The following WDR26 variants were observed in gnomAD, a reference collection of about 807,000 sequenced individuals.
WDR26 encodes the protein WD repeat domain 26, also known as WD repeat-containing protein 26.
WDR26 carries 5 observed loss-of-function variants against 84.1 expected under a neutral mutation model. That is an observed-to-expected ratio of 0.06 (90% confidence interval 0.03 to 0.13). The LOEUF (loss-of-function observed/expected upper bound fraction) is 0.13. WDR26 is among the 10% of genes least tolerant of loss of function. WDR26 has a pLI of 1.00. For synonymous variants in WDR26, 415 were observed against 389.6 expected, an observed-to-expected ratio of 1.07 and a Z score of -0.77; for missense variants, 642 against 974.9, an observed-to-expected ratio of 0.66 and a Z score of 4.55.
chr1:224,411,587 A>G, intron 6 of WDR26, 22 bp from the exon 7 acceptor site: 1 of 1,566,590 alleles, frequency 6.4e-7, no homozygotes, highest in East Asian at 2.3e-5. Context: ...AGGTCCACAA[A>G]TTATTCTTTC....
In WDR26 at chr1:224,395,786, C is replaced by T. The variant is rs146625833; in HGVS notation, c.2075-1773G>A. Among the ~76,000 whole-genome samples, 669 of 152,126 alleles carry T rather than the reference C, an allele frequency of 4.4e-3. 3 individuals carry two copies. Among genetic ancestry groups the T allele is most frequent in the Non-Finnish European group, 7.6e-3 (514 of 67,984 alleles). On this transcript the variant is annotated intron_variant, in intron 12 of 13. Coordinates refer to ENST00000414423, the MANE Select transcript of WDR26 (RefSeq NM_001379403.1). ...ACATTTGGTGAAAGGCAGGAAAAAC[C>T]GGGTTTGAAGTAATCAAGGTCAAAA...
In WDR26 at chr1:224,426,338, A is replaced by G. The variant is rs559506915; in HGVS notation, c.928-1684T>C. Reference sequence around the variant, plus strand: ...ATAAAAGTGGTTTCTAGAGAAAGTAAGCAATAATAAACCCTCTCATATAAG... The same window carrying G: ...ATAAAAGTGGTTTCTAGAGAAAGTAGGCAATAATAAACCCTCTCATATAAG... On this transcript the variant is annotated intron_variant, in intron 3 of 13. Coordinates refer to ENST00000414423, the MANE Select transcript of WDR26 (RefSeq NM_001379403.1). Among the ~76,000 whole-genome samples the G allele has an allele frequency of 2.0e-5, 3 of 152,336 alleles. No homozygotes were observed. The South Asian group carries it at 6.2e-4, about 32-fold the overall frequency.
In WDR26 at chr1:224,387,930, T is replaced by C. The variant is rs992880759; in HGVS notation, c.*1905A>G. 4.6e-5 allele frequency: 7 copies of C among 152,588 alleles called. No homozygotes were observed. Among genetic ancestry groups the C allele is most frequent in the African/African-American group, 1.4e-4 (6 of 41,424 alleles). 9.5% of individuals were successfully genotyped at this position (152,588 alleles called of 1,614,324 possible). ...ATGAAGTACCAGATAAACTGTAACA[T>C]ATATTTTAACTTAGAAGTATCAAAA... On this transcript the variant is annotated 3_prime_UTR_variant, in exon 14 of 14. Transcript: ENST00000414423.
At chr1:224,395,262 C>A (rs1007148309) in intron 12 of WDR26, among the ~76,000 whole-genome samples, 9 of 152,188 alleles carry the variant, frequency 5.9e-5, no homozygotes, top group Admixed American at 5.9e-4. Flanking sequence ...ACACCATTTA[C>A]TACTGTGACG....
At chr1:224,401,671 C>T (rs1271693842) in intron 8 of WDR26, among the ~76,000 whole-genome samples, 1 of 49,640 alleles carries the variant, frequency 2.0e-5, no homozygotes, top group Non-Finnish European at 3.1e-5. Context: ...GAGACTGTCT[C>T]AAAAAAAAAA....
At chr1:224,416,069 G>A (rs1673894231) in intron 6 of WDR26, among the ~76,000 whole-genome samples, 2 of 152,168 alleles carry the variant, frequency 1.3e-5, no homozygotes, top group Admixed American at 6.5e-5. Flanking sequence ...ATTTCAAGAA[G>A]TCAGCTCTAA....
intron 13 of WDR26, among the ~76,000 whole-genome samples, chr1:224,392,312 G>GAT (rs1673150802): frequency 6.6e-6 from 1 of 151,024 alleles, no homozygotes; most frequent in Non-Finnish European, 1.5e-5. Flanking sequence ...AGTGAGCCGA[G>GAT]ATCGCACCAC....
chr1:224,398,451 A>G (rs781226987), intron 11 of WDR26, 64 bp downstream of exon 11: 34 of 1,416,826 alleles, frequency 2.4e-5, no homozygotes, highest in Non-Finnish European at 3.3e-5. Context: ...TACACTGAAA[A>G]TAACAGTTAA....
chr1:224,414,354 C>T (rs748787574), intron 6 of WDR26, among the ~76,000 whole-genome samples: 26 of 152,146 alleles, frequency 1.7e-4, no homozygotes, highest in Non-Finnish European at 3.4e-4. Flanking sequence ...GATCTCCCCA[C>T]CTCGGCCTCC....
At chr1:224,415,713 G>A (rs1300927503) in intron 6 of WDR26, among the ~76,000 whole-genome samples, 1 of 152,008 alleles carries the variant, frequency 6.6e-6, no homozygotes, top group Non-Finnish European at 1.5e-5. Flanking sequence ...CACTCGCCTC[G>A]GCCCCCCAAA....
Position 224,389,296 on chromosome 1 carries a change from G to A in WDR26, c.*539C>T, listed in dbSNP as rs757396178. On this transcript the variant is annotated 3_prime_UTR_variant, in exon 14 of 14. Coordinates refer to ENST00000414423, the MANE Select transcript of WDR26 (RefSeq NM_001379403.1). The stretch of plus-strand genomic sequence containing the variant: ...TATCATCTGGATCAGTATATACTGC[G>A]CAACGGGCAAGGCTAGAATCCATGA... The A allele has an allele frequency of 3.3e-5, 6 of 183,938 alleles. No homozygotes were observed. The highest frequency in any genetic ancestry group is 2.9e-4 in the East Asian group (2 of 6,872). 11.4% of individuals were successfully genotyped at this position (183,938 alleles called of 1,614,324 possible). A position where few individuals can be genotyped will look rare whatever the true frequency, so the allele number is the denominator to read the frequency against.
At chr1:224,403,045 T>C (rs550415848) in intron 8 of WDR26, among the ~76,000 whole-genome samples, 89 of 152,284 alleles carry the variant, frequency 5.8e-4, no homozygotes, top group African/African-American at 1.9e-3. Context: ...ATATGTAATA[T>C]ATATGTAAGT....
At chr1:224,408,639 T>TTC (rs1474113677) in intron 7 of WDR26, among the ~76,000 whole-genome samples, 2 of 150,730 alleles carry the variant, frequency 1.3e-5, no homozygotes, top group African/African-American at 4.9e-5. Flanking sequence ...CATTCTTTTT[T>TTC]TTTTTTTTTT....
chr1:224,401,671 C>CAA (rs767368281), intron 8 of WDR26, among the ~76,000 whole-genome samples: 102 of 49,562 alleles, frequency 2.1e-3, no homozygotes, highest in Non-Finnish European at 2.4e-3. Flanking sequence ...GAGACTGTCT[C>CAA]AAAAAAAAAA....
Position 224,411,477 on chromosome 1 carries a change from G to C in WDR26, c.1408C>G (p.Leu470Val). ...GTTGTATCTTTTGATCCTGTTGCTAGTTTAGTGCCATCATTAGAGAATTTA... is the reference window on the plus strand; with the variant it reads ...GTTGTATCTTTTGATCCTGTTGCTACTTTAGTGCCATCATTAGAGAATTTA... The change falls in exon 7 of 14, where the codon CTA (leucine) becomes GTA (valine). Residue 470 changes from leucine to valine, a missense_variant. By Grantham distance (32) the Leu-to-Val change is conservative (BLOSUM62 1). Coordinates refer to ENST00000414423, the MANE Select transcript of WDR26 (RefSeq NM_001379403.1). 6.2e-7 allele frequency: 1 copy of C among 1,613,602 alleles called. No homozygotes were observed. The highest frequency in any genetic ancestry group is 8.5e-7 in the Non-Finnish European group (1 of 1,179,828).
chr1:224,415,299 G>A (rs1476697440), intron 6 of WDR26, among the ~76,000 whole-genome samples: 2 of 152,026 alleles, frequency 1.3e-5, no homozygotes, highest in Non-Finnish European at 2.9e-5. Context: ...CGGACATGCT[G>A]TGTTTAATGT....
At chr1:224,401,657 G>C (rs1217196706) in intron 8 of WDR26, among the ~76,000 whole-genome samples, 4 of 79,528 alleles carry the variant, frequency 5.0e-5, no homozygotes, top group Non-Finnish European at 8.8e-5. Flanking sequence ...CTGGGTGACA[G>C]AGTGAGACTG....
chr1:224,410,032 G>A (rs974660340), intron 7 of WDR26, among the ~76,000 whole-genome samples: 3 of 151,970 alleles, frequency 2.0e-5, no homozygotes, highest in Admixed American at 2.0e-4. Flanking sequence ...TGTAATCCCA[G>A]CACTTTGGGA....
chr1:224,399,766 C>A (rs971302347), intron 9 of WDR26, among the ~76,000 whole-genome samples: 1 of 152,122 alleles, frequency 6.6e-6, no homozygotes, highest in Admixed American at 6.5e-5. Context: ...AAACTGATAA[C>A]CTGTTTTAGC....
Sources: allele counts gnomAD v4.1 joint callset (sites outside exome capture counted in the v4.1 genomes callset), GRCh38; gene constraint gnomAD v4.1.1; transcripts MANE v1.5; gene names NCBI Gene and HGNC (gene_info 2026-07-23, HGNC 2026-07-21).